ALG14: variants seen among roughly 807,000 people sequenced by gnomAD.
ALG14 encodes ALG14 UDP-N-acetylglucosaminyltransferase subunit.
A neutral mutation model predicts 22.8 loss-of-function variants in ALG14; 17 were observed. The ratio of observed to expected loss-of-function variants is 0.75; its 90% CI spans 0.51 to 1.12. The LOEUF (loss-of-function observed/expected upper bound fraction) is 1.12, where lower values mean the gene tolerates loss of function less well. ALG14 is among the 50% of genes most tolerant of loss of function. ALG14 has a pLI of 0.00. For missense variants in ALG14, 288 were observed against 271.8 expected, an observed-to-expected ratio of 1.06 and a Z score of -0.42; for synonymous variants, 89 against 103.7, an observed-to-expected ratio of 0.86 and a Z score of 0.86.
chr1:95,024,034 T>A (rs74101979), intron 3 of ALG14, among the ~76,000 whole-genome samples: 7,333 of 152,344 alleles, frequency 0.048, 239 homozygotes, highest in African/African-American at 0.088. Flanking sequence ...ACTTTAATAA[T>A]CAGCAATCTC....
At chr1:95,062,535 T>C (rs1373537246) in intron 2 of ALG14, among the ~76,000 whole-genome samples, 2 of 152,178 alleles carry the variant, frequency 1.3e-5, no homozygotes, top group Non-Finnish European at 2.9e-5. Flanking sequence ...TACTTATAAG[T>C]GAAAACGTGT....
At chr1:95,047,036 C>T (rs1056290922) in intron 2 of ALG14, among the ~76,000 whole-genome samples, 2 of 149,478 alleles carry the variant, frequency 1.3e-5, no homozygotes, top group Admixed American at 1.3e-4. Flanking sequence ...CATAACATAA[C>T]GACATGCCTG....
Position 94,978,782 on chromosome 1 carries a change from C to T in ALG14, c.*4294G>A, listed in dbSNP as rs1672441406. 1 of 151,788 alleles carries T rather than the reference C, an allele frequency of 6.6e-6. No individual in the cohort carries two copies. Among genetic ancestry groups the T allele is most frequent in the South Asian group, 2.1e-4 (1 of 4,818 alleles). 9.4% of individuals were successfully genotyped at this position (151,788 alleles called of 1,614,324 possible). A position where few individuals can be genotyped will look rare whatever the true frequency, so the allele number is the denominator to read the frequency against. On this transcript the variant is annotated 3_prime_UTR_variant, in exon 4 of 4. Transcript: ENST00000370205. ...TATCTAGAACACCAACTACCTTCTACTCCGTCATAGTACCCTGTTACCCCA... is the reference window on the plus strand; with the variant it reads ...TATCTAGAACACCAACTACCTTCTATTCCGTCATAGTACCCTGTTACCCCA...
intron 2 of ALG14, among the ~76,000 whole-genome samples, chr1:95,051,799 C>A (rs1435060776): frequency 6.6e-6 from 1 of 152,200 alleles, no homozygotes; most frequent in Non-Finnish European, 1.5e-5. Flanking sequence ...TAACATCTCA[C>A]CTCCTTCAGG....
chr1:95,005,172 G>A (rs1673182241), intron 3 of ALG14, among the ~76,000 whole-genome samples: 2 of 152,214 alleles, frequency 1.3e-5, no homozygotes, highest in Admixed American at 6.5e-5. Context: ...CTTGATGCAT[G>A]AGGATAAGTC....
intron 3 of ALG14, among the ~76,000 whole-genome samples, chr1:94,987,430 A>G (rs975457705): frequency 1.3e-5 from 2 of 152,338 alleles, no homozygotes; most frequent in African/African-American, 4.8e-5. Context: ...ATCAATAAAT[A>G]AACTTCTCTA....
At chr1:95,004,569 G>A (rs1034139949) in intron 3 of ALG14, among the ~76,000 whole-genome samples, 1 of 151,432 alleles carries the variant, frequency 6.6e-6, no homozygotes, top group African/African-American at 2.4e-5. Flanking sequence ...GTGCAATCTC[G>A]GCTCACTGAA....
At chr1:95,032,710 A>T (rs1341802333) in intron 2 of ALG14, among the ~76,000 whole-genome samples, 3 of 152,164 alleles carry the variant, frequency 2.0e-5, no homozygotes, top group Non-Finnish European at 4.4e-5. Context: ...GATACCTGCT[A>T]TGCTGCCAGG....
rs1014644772 is a variant in ALG14, at chr1:94,983,128, G to A, written c.599C>T (p.Pro200Leu). The change falls in exon 4 of 4, where the codon CCG (proline) becomes CTG (leucine). Residue 200 changes from proline (P) to leucine (L), a missense_variant. Physicochemically the swap from Pro to Leu is moderately conservative, Grantham distance 98. Coordinates refer to ENST00000370205, the MANE Select transcript of ALG14 (RefSeq NM_144988.4). ...TTTGGGATACTTTTCTTTCAGAGCC[G>A]GCCACTGAACAATGAAGTAATCTGA... ...HLSDYFIVQW[P>L]ALKEKYPKSV... 8.7e-6 allele frequency: 14 copies of A among 1,614,054 alleles called. No individual in the cohort carries two copies. The highest frequency in any genetic ancestry group is 1.6e-4 in the Middle Eastern group (1 of 6,062).
intron 2 of ALG14, among the ~76,000 whole-genome samples, chr1:95,062,890 G>C (rs1028389626): frequency 6.6e-6 from 1 of 152,184 alleles, no homozygotes; most frequent in Admixed American, 6.5e-5. Context: ...CTTCCACAAT[G>C]GTTGAACTAA....
intron 2 of ALG14, 60 bp from the exon 3 acceptor site, chr1:95,027,320 G>A: frequency 6.3e-7 from 1 of 1,575,694 alleles, no homozygotes; most frequent in Non-Finnish European, 8.7e-7. Flanking sequence ...GTTAAACATA[G>A]TAACAATTAA....
chr1:95,072,649 T>C, intron 1 of ALG14, 114 bp downstream of exon 1: 1 of 1,431,274 alleles, frequency 7.0e-7, no homozygotes, highest in Non-Finnish European at 9.5e-7. Context: ...AAACTACAAA[T>C]CTCTGCATGC....
At chr1:95,008,751 T>C (rs1673285172) in intron 3 of ALG14, among the ~76,000 whole-genome samples, 1 of 151,292 alleles carries the variant, frequency 6.6e-6, no homozygotes, top group African/African-American at 2.5e-5. Context: ...AGGTTGTAAT[T>C]GTGCTATCCA....
chr1:95,008,073 C>A (rs1673265923), intron 3 of ALG14, among the ~76,000 whole-genome samples: 1 of 152,142 alleles, frequency 6.6e-6, no homozygotes, highest in South Asian at 2.1e-4. Flanking sequence ...CTCAGTATTT[C>A]TTTCTTCTGA....
rs1396324121 is a variant in ALG14, at chr1:95,048,343, T to C, written c.288+16523A>G. 4.6e-5 allele frequency among the ~76,000 whole-genome samples: 7 copies of C among 152,328 alleles called. 1 individual carries two copies. In the East Asian group the frequency reaches 9.6e-4, roughly 21 times the overall value. On this transcript the variant is annotated intron_variant, in intron 2 of 3. Transcript: ENST00000370205. ...ATTTTTTTAAATGCAGGTTAAAAAA[T>C]GTTTTATTCATATGTCACCGAGCTT...
intron 3 of ALG14, among the ~76,000 whole-genome samples, chr1:95,002,230 G>A (rs1406707894): frequency 6.6e-6 from 1 of 152,054 alleles, no homozygotes; most frequent in Non-Finnish European, 1.5e-5. Context: ...TATTGATAAA[G>A]CCCTGTAAGT....
chr1:95,006,253 G>A (rs1453078885), intron 3 of ALG14, among the ~76,000 whole-genome samples: 3 of 152,100 alleles, frequency 2.0e-5, no homozygotes, highest in African/African-American at 7.2e-5. Context: ...TGCAAAACAC[G>A]TAATTTGATT....
chr1:95,030,576 A>G (rs971051937), intron 2 of ALG14, among the ~76,000 whole-genome samples: 1 of 152,222 alleles, frequency 6.6e-6, no homozygotes, highest in Non-Finnish European at 1.5e-5. Context: ...GGCTGTGAGC[A>G]TACAACTTTA....
At chr1:95,027,019 T>A in intron 3 of ALG14, 110 bp downstream of exon 3, 3 of 1,370,758 alleles carry the variant, frequency 2.2e-6, no homozygotes, top group Non-Finnish European at 3.0e-6. Flanking sequence ...TCTTGCATAC[T>A]ACCTGGCACA....
Sources: allele counts gnomAD v4.1 joint callset (sites outside exome capture counted in the v4.1 genomes callset), GRCh38; gene constraint gnomAD v4.1.1; transcripts MANE v1.5; gene names NCBI Gene and HGNC (gene_info 2026-07-23, HGNC 2026-07-21).